The following GAS7 variants were observed in gnomAD, a reference collection of about 807,000 sequenced individuals.
The protein encoded by GAS7 is growth arrest specific 7.
GAS7 carries 28 observed loss-of-function variants against 71.1 expected under a neutral mutation model. The observed-to-expected ratio is 0.39, with a 90% CI of 0.29 to 0.54. The LOEUF (loss-of-function observed/expected upper bound fraction) is 0.54. GAS7 is among the 20% of genes least tolerant of loss of function. The probability of loss-of-function intolerance (pLI) is 0.62; values close to 1 mark genes in which losing one functional copy is unlikely to be tolerated. For synonymous variants in GAS7, 258 were observed against 245.8 expected, an observed-to-expected ratio of 1.05 and a Z score of -0.46; for missense variants, 436 against 627.8, an observed-to-expected ratio of 0.69 and a Z score of 3.27.
chr17:10,182,438 G>A (rs1454617672), intron 1 of GAS7, among the ~76,000 whole-genome samples: 1 of 152,174 alleles, frequency 6.6e-6, no homozygotes, highest in Non-Finnish European at 1.5e-5. Context: ...GGGATTACAG[G>A]CATGAGGCAC....
intron 11 of GAS7, among the ~76,000 whole-genome samples, chr17:9,923,472 T>C (rs2067893125): frequency 1.3e-5 from 2 of 152,296 alleles, no homozygotes; most frequent in Admixed American, 1.3e-4. Flanking sequence ...ATCTCCCTGA[T>C]AGATAAAGAA....
chr17:10,110,756 G>A (rs1433369779), intron 1 of GAS7, among the ~76,000 whole-genome samples: 1 of 152,206 alleles, frequency 6.6e-6, no homozygotes, highest in East Asian at 1.9e-4. Context: ...ACAGGCATGA[G>A]CCACTGCGCC....
chr17:9,992,633 T>C (rs1181801769), intron 2 of GAS7, among the ~76,000 whole-genome samples: 1 of 151,862 alleles, frequency 6.6e-6, no homozygotes, highest in Admixed American at 6.6e-5. Context: ...CTTTAAGTTT[T>C]AGGGTACATG....
chr17:10,066,462 G>A (rs537000372), intron 1 of GAS7, among the ~76,000 whole-genome samples: 39 of 152,312 alleles, frequency 2.6e-4, no homozygotes, highest in African/African-American at 8.2e-4. Context: ...TTACAGGTGT[G>A]AGCCACCACA....
chr17:9,910,667 A>G lies in GAS7; in HGVS notation c.*6561T>C, dbSNP rs1299467236. On this transcript the variant is annotated 3_prime_UTR_variant, in exon 14 of 14. Transcript: ENST00000432992. Reference sequence around the variant, plus strand: ...CAACTGTATATAGCAAACGCCTTCAAAATTTAAACTCTTTAAACATTTAAT... The same window carrying G: ...CAACTGTATATAGCAAACGCCTTCAGAATTTAAACTCTTTAAACATTTAAT... 1.9e-5 allele frequency: 4 copies of G among 207,896 alleles called. No homozygotes were observed. The highest frequency in any genetic ancestry group is 3.9e-5 in the Non-Finnish European group (4 of 101,766). The allele number at this position is 207,896 out of a possible 1,614,324, so 12.9% of individuals were successfully genotyped here.
intron 4 of GAS7, among the ~76,000 whole-genome samples, chr17:9,963,479 AAG>A (rs146976317): frequency 5.8e-4 from 87 of 148,932 alleles, no homozygotes; most frequent in Non-Finnish European, 5.8e-4. Flanking sequence ...TTGGTGGGGG[AAG>A]AGAGAGAGAG....
At chr17:10,170,475 G>A (rs2074328051) in intron 1 of GAS7, among the ~76,000 whole-genome samples, 1 of 152,128 alleles carries the variant, frequency 6.6e-6, no homozygotes, top group African/African-American at 2.4e-5. Context: ...CTGTTTTCTG[G>A]CTGGAATGCT....
chr17:10,137,804 GTGC>G (rs1158346261), intron 1 of GAS7, among the ~76,000 whole-genome samples: 1 of 152,150 alleles, frequency 6.6e-6, no homozygotes. Context: ...GCCTCCCAAA[GTGC>G]TGGGATTACA....
In GAS7 at chr17:10,138,399, A is replaced by G. The variant is rs140465370; in HGVS notation, c.183+59809T>C. Among the ~76,000 whole-genome samples the G allele has an allele frequency of 1.7e-3, 265 of 152,354 alleles. 1 individual carries two copies. Among genetic ancestry groups the G allele is most frequent in the African/African-American group, 5.7e-3 (235 of 41,576 alleles). On this transcript the variant is annotated intron_variant, in intron 1 of 13. Coordinates refer to ENST00000432992, the MANE Select transcript of GAS7 (RefSeq NM_201433.2). ...ATCGCCATTTTACAGAAAAGGAAATATGAATGTGGGATATTTGTTAAAGGG... is the reference window on the plus strand; with the variant it reads ...ATCGCCATTTTACAGAAAAGGAAATGTGAATGTGGGATATTTGTTAAAGGG...
chr17:9,960,319 A>G (rs182749302), intron 4 of GAS7, among the ~76,000 whole-genome samples: 2 of 152,062 alleles, frequency 1.3e-5, no homozygotes, highest in Non-Finnish European at 1.5e-5. Flanking sequence ...CCTCCTGAGT[A>G]GCTGGGATTA....
chr17:10,057,074 A>G (rs1327541122), intron 1 of GAS7, among the ~76,000 whole-genome samples: 6 of 152,096 alleles, frequency 3.9e-5, no homozygotes, highest in African/African-American at 1.4e-4. Context: ...GTGATTGCAG[A>G]CGGAGTCTCG....
At chr17:10,051,337 A>C (rs1035899064) in intron 1 of GAS7, among the ~76,000 whole-genome samples, 2 of 152,234 alleles carry the variant, frequency 1.3e-5, no homozygotes, top group African/African-American at 4.8e-5. Flanking sequence ...AACTCTCCAG[A>C]ATGATACCTT....
At chr17:9,951,691 C>A (rs111557007) in intron 5 of GAS7, among the ~76,000 whole-genome samples, 5,866 of 131,950 alleles carry the variant, frequency 0.044, 297 homozygotes, top group Admixed American at 0.12. Flanking sequence ...TGGGAGGTGG[C>A]GGTTGCGGTG....
intron 1 of GAS7, among the ~76,000 whole-genome samples, chr17:10,179,287 C>T (rs1391012341): frequency 2.0e-5 from 3 of 151,656 alleles, no homozygotes; most frequent in African/African-American, 4.9e-5. Flanking sequence ...CGAGATCGAT[C>T]GTTCCATTGC....
intron 1 of GAS7, among the ~76,000 whole-genome samples, chr17:10,121,647 T>C (rs2073905066): frequency 1.3e-5 from 2 of 152,222 alleles, no homozygotes; most frequent in Admixed American, 1.3e-4. Flanking sequence ...TAAATGCTCC[T>C]GAATCGACAG....
chr17:9,969,891 C>T lies in GAS7; in HGVS notation c.386-129G>A. On this transcript the variant is annotated intron_variant, in intron 3 of 13. Transcript: ENST00000432992. The surrounding 1 kb of genome is among the most constrained non-coding windows in gnomAD (Gnocchi z 5.5). ...AGAGGTCTTGCGTGGCGAAGACCAT[C>T]CCTCAGGATCTGATCTTATCTGTAT... 1.5e-6 allele frequency: 1 copy of T among 651,736 alleles called. No individual in the cohort carries two copies. The highest frequency in any genetic ancestry group is 2.7e-5 in the East Asian group (1 of 37,004). The allele number at this position is 651,736 out of a possible 1,614,324, so 40.4% of individuals were successfully genotyped here. A position where few individuals can be genotyped will look rare whatever the true frequency, so the allele number is the denominator to read the frequency against.
At chr17:9,957,069 C>A (rs1481295211) in intron 5 of GAS7, among the ~76,000 whole-genome samples, 1 of 152,200 alleles carries the variant, frequency 6.6e-6, no homozygotes, top group Non-Finnish European at 1.5e-5. Context: ...CTGGGCTCTG[C>A]TCCTCACTTG....
At chr17:10,059,854 T>C (rs976864413) in intron 1 of GAS7, 3 of 975,538 alleles carry the variant, frequency 3.1e-6, no homozygotes, top group Non-Finnish European at 3.7e-6. Context: ...AAATAGAGAC[T>C]TGACGTTGCC....
At chr17:10,009,095 C>A (rs539961144) in intron 2 of GAS7, among the ~76,000 whole-genome samples, 17 of 151,782 alleles carry the variant, frequency 1.1e-4, no homozygotes, top group African/African-American at 3.6e-4. Context: ...CCGAGGCGGG[C>A]GGATCACGAG....
Sources: gnomAD v4.1 joint callset for allele counts (sites outside exome capture counted in the v4.1 genomes callset) on GRCh38, gnomAD v4.1.1 for gene constraint, Gnocchi (gnomAD v3.1) non-coding constraint, MANE v1.5 for transcripts, NCBI Gene and HGNC (gene_info 2026-07-23, HGNC 2026-07-21) for gene names.